The following FBLN7 variants were observed in gnomAD, a reference collection of about 807,000 sequenced individuals.
FBLN7 encodes fibulin-7.
FBLN7 carries 31 observed loss-of-function variants against 44.0 expected under a neutral mutation model. The ratio of observed to expected loss-of-function variants is 0.70; its 90% confidence interval spans 0.53 to 0.95. The LOEUF (loss-of-function observed/expected upper bound fraction) is 0.95, where lower values mean the gene tolerates loss of function less well. FBLN7 is among the 40% of genes least tolerant of loss of function. FBLN7 has a pLI of 0.00. For synonymous variants in FBLN7, 262 were observed against 253.4 expected, an observed-to-expected ratio of 1.03 and a Z score of -0.32; for missense variants, 573 against 618.5, an observed-to-expected ratio of 0.93 and a Z score of 0.78.
At chr2:112,185,171 T>G (rs1426044679) in intron 6 of FBLN7, 30 bp from the exon 7 acceptor site, 1 of 1,599,172 alleles carries the variant, frequency 6.3e-7, no homozygotes, top group Admixed American at 1.7e-5. Context: ...GTCAGGGCGA[T>G]TCTCACCTGT....
At chr2:112,179,174 G>A (rs1682867012) in intron 4 of FBLN7, among the ~76,000 whole-genome samples, 1 of 152,134 alleles carries the variant, frequency 6.6e-6, no homozygotes, top group Non-Finnish European at 1.5e-5. Flanking sequence ...AAAATCACTA[G>A]CATTCCTATA....
At chr2:112,154,764 A>C (rs1272163755) in intron 1 of FBLN7, among the ~76,000 whole-genome samples, 5 of 152,106 alleles carry the variant, frequency 3.3e-5, no homozygotes, top group Non-Finnish European at 5.9e-5. Context: ...GGCTCAGAGC[A>C]GGGGAGGGTG....
chr2:112,206,733 G>GTTTTTTTTTTTTTTTTT, the FBLN7 span, among the ~76,000 whole-genome samples: 1 of 123,036 alleles, frequency 8.1e-6, no homozygotes, highest in African/African-American at 3.0e-5. Flanking sequence ...CTTATTGACT[G>GTTTTTTTTTTTTTTTTT]TTTTTTTTTT....
the FBLN7 span, among the ~76,000 whole-genome samples, chr2:112,237,364 T>C: frequency 6.6e-6 from 1 of 152,184 alleles, no homozygotes; most frequent in African/African-American, 2.4e-5. Flanking sequence ...CTTTAAGTGT[T>C]TACAATGACC....
chr2:112,220,506 T>A, the FBLN7 span, among the ~76,000 whole-genome samples: 1 of 152,188 alleles, frequency 6.6e-6, no homozygotes, highest in Non-Finnish European at 1.5e-5. Flanking sequence ...TTGCTGCTGA[T>A]AGGTCTGCTG....
chr2:112,223,845 A>C, the FBLN7 span, among the ~76,000 whole-genome samples: 2 of 152,238 alleles, frequency 1.3e-5, no homozygotes, highest in Non-Finnish European at 2.9e-5. Context: ...ACAAATAATC[A>C]ATATAAGGAA....
At position 112,184,887 on chromosome 2, in the gene FBLN7, G is replaced by A. The variant is rs555676562; in HGVS notation, c.809-314G>A. Among the ~76,000 whole-genome samples the A allele has an allele frequency of 2.0e-5, 3 of 151,044 alleles. No homozygotes were observed. In the East Asian group the frequency reaches 5.8e-4, roughly 29 times the overall value. Reference sequence around the variant, plus strand: ...GAATAACAGCCATGGAGGGTAATGGGGCACTTGGGCTGAGAAGCAGACAGG... The same window carrying A: ...GAATAACAGCCATGGAGGGTAATGGAGCACTTGGGCTGAGAAGCAGACAGG... On this transcript the variant is annotated intron_variant, in intron 6 of 7. Coordinates refer to ENST00000331203, the MANE Select transcript of FBLN7 (RefSeq NM_153214.3).
chr2:112,141,755 A>G (rs1279576584), intron 1 of FBLN7, among the ~76,000 whole-genome samples: 3 of 152,220 alleles, frequency 2.0e-5, no homozygotes, highest in Admixed American at 1.3e-4. Context: ...CGTGAGAACC[A>G]GGCCCTGCCA....
At chr2:112,195,342 C>T in the FBLN7 span, among the ~76,000 whole-genome samples, 7 of 152,200 alleles carry the variant, frequency 4.6e-5, no homozygotes, top group South Asian at 1.5e-3. Context: ...CCAGGATTCA[C>T]CTCAGCCATG....
At chr2:112,166,104 G>A (rs1682142802) in intron 3 of FBLN7, among the ~76,000 whole-genome samples, 1 of 152,228 alleles carries the variant, frequency 6.6e-6, no homozygotes, top group South Asian at 2.1e-4. Context: ...AGTCTGGAGT[G>A]CAGTGGCATA....
chr2:112,148,438 G>T (rs1217441547), intron 1 of FBLN7, among the ~76,000 whole-genome samples: 3 of 152,198 alleles, frequency 2.0e-5, no homozygotes, highest in Non-Finnish European at 2.9e-5. Flanking sequence ...CTAAAATGAG[G>T]TATTTCATAA....
chr2:112,160,694 ACACACGCACGCACACACACAAG>A (rs1681734429), intron 2 of FBLN7, among the ~76,000 whole-genome samples: 3 of 115,382 alleles, frequency 2.6e-5, no homozygotes, highest in Non-Finnish European at 5.7e-5. Flanking sequence ...ACGCACACGC[ACACACGCACGCACACACACAAG>A]CACGCGCACA....
chr2:112,148,950 G>C (rs1162759169), intron 1 of FBLN7, among the ~76,000 whole-genome samples: 3 of 152,238 alleles, frequency 2.0e-5, no homozygotes, highest in Non-Finnish European at 4.4e-5. Flanking sequence ...AGAGAGCAGA[G>C]TCTCCTTGCA....
downstream of FBLN7, chr2:112,189,699 A>C (rs1041010996): frequency 2.0e-5 from 3 of 152,100 alleles, no homozygotes; most frequent in Non-Finnish European, 4.4e-5. Flanking sequence ...AGTATAATGA[A>C]CCCCATGTCT....
the FBLN7 span, chr2:112,211,749 ATG>A: frequency 1.4e-5 from 2 of 139,556 alleles, no homozygotes; most frequent in African/African-American, 4.9e-5. Context: ...AACTAAAAAC[ATG>A]TCTTTTTTTT....
At chr2:112,171,902 A>G (rs1205601782) in intron 3 of FBLN7, among the ~76,000 whole-genome samples, 2 of 152,094 alleles carry the variant, frequency 1.3e-5, no homozygotes, top group East Asian at 3.9e-4. Flanking sequence ...GCCCGCCACC[A>G]TACCCGGCTA....
chr2:112,181,770 C>A lies in FBLN7; in HGVS notation c.564C>A (p.Ser188=), dbSNP rs547539097. Residue 188 remains serine (S), a synonymous_variant, in exon 5 of 8, where the codon TCC becomes TCA. Transcript: ENST00000331203. The part of the protein sequence containing the change: ...AAPEGSVAGD[S]AFSRAPRCAQ... ...CCGAGGGCAGCGTGGCCGGCGACTC[C>A]GCCTTCAGCCGCGCGCCGCGCTGTG... The A allele has an allele frequency of 2.7e-4, 390 of 1,424,400 alleles. 3 individuals carry two copies. The highest frequency in any genetic ancestry group is 1.2e-3 in the South Asian group (84 of 69,226). 88.2% of individuals were successfully genotyped at this position (1,424,400 alleles called of 1,614,324 possible).
the FBLN7 span, among the ~76,000 whole-genome samples, chr2:112,239,276 C>CG: frequency 5.9e-5 from 9 of 152,324 alleles, no homozygotes; most frequent in African/African-American, 2.2e-4. Flanking sequence ...TGTGTTTCTA[C>CG]ACTTGGTGAC....
rs748077483 is a variant in FBLN7 at position 112,159,844 on chromosome 2, C to G, written c.235+9C>G. The G allele has an allele frequency of 6.6e-7, 1 of 1,523,352 alleles. No homozygotes were observed. Among genetic ancestry groups the G allele is most frequent in the Non-Finnish European group, 8.8e-7 (1 of 1,136,604 alleles). 94.4% of individuals were successfully genotyped at this position (1,523,352 alleles called of 1,614,324 possible). On this transcript the variant is annotated intron_variant, in intron 2 of 7. Transcript: ENST00000331203. The stretch of plus-strand genomic sequence containing the variant: ...CCCAGATGCCCTTCCAGGTGGGTCC[C>G]CACGTCGGCACCGCTGGGGCGGCAG...
Sources: gnomAD v4.1 joint callset for allele counts (sites outside exome capture counted in the v4.1 genomes callset) on GRCh38, gnomAD v4.1.1 for gene constraint, MANE v1.5 for transcripts, NCBI Gene and HGNC (gene_info 2026-07-23, HGNC 2026-07-21) for gene names.